Variants in XPR1 observed in about 807,000 individuals in gnomAD.
XPR1 encodes solute carrier family 53 member 1.
In XPR1, 28 loss-of-function variants were observed where a neutral mutation model predicts 87.5. The observed-to-expected ratio is 0.32, with a 90% CI of 0.24 to 0.44. The LOEUF (loss-of-function observed/expected upper bound fraction) is 0.44, where lower values mean the gene tolerates loss of function less well. Ranked by LOEUF, XPR1 falls within the 20% of genes least tolerant of loss-of-function variation. XPR1 has a pLI of 1.00. For missense variants in XPR1, 559 were observed against 862.3 expected (o/e 0.65, Z 4.41); for synonymous variants, 300 against 306.1 (o/e 0.98, Z 0.21).
chr1:180,839,104 G>A (rs1204988331), intron 11 of XPR1, among the ~76,000 whole-genome samples: 1 of 152,150 alleles, frequency 6.6e-6, no homozygotes, highest in Non-Finnish European at 1.5e-5. Context: ...TTTCGTTGTT[G>A]CAGTATCCCA....
intron 2 of XPR1, among the ~76,000 whole-genome samples, chr1:180,769,750 A>G (rs1376673346): frequency 1.3e-5 from 2 of 152,196 alleles, no homozygotes; most frequent in Admixed American, 6.5e-5. Flanking sequence ...GGGAGTGCAG[A>G]TATCTCTTCG....
chr1:180,863,335 G>A (rs1425197815), intron 11 of XPR1, among the ~76,000 whole-genome samples: 1 of 152,084 alleles, frequency 6.6e-6, no homozygotes, highest in East Asian at 1.9e-4. Flanking sequence ...TGTTAGTAGT[G>A]TTTCAGGAAT....
chr1:180,701,696 T>C (rs1189288535), intron 2 of XPR1, among the ~76,000 whole-genome samples: 1 of 138,406 alleles, frequency 7.2e-6, no homozygotes, highest in Non-Finnish European at 1.5e-5. Context: ...GTTGTGTCTC[T>C]GCCCGGCTTT....
chr1:180,786,100 A>G (rs1649129370), intron 2 of XPR1, among the ~76,000 whole-genome samples: 1 of 152,072 alleles, frequency 6.6e-6, no homozygotes, highest in Non-Finnish European at 1.5e-5. Context: ...CTCTAGAATC[A>G]ATACAACATC....
intron 2 of XPR1, among the ~76,000 whole-genome samples, chr1:180,740,872 T>C (rs972603447): frequency 1.3e-5 from 2 of 152,208 alleles, no homozygotes; most frequent in African/African-American, 2.4e-5. Flanking sequence ...GGCCCCTAGA[T>C]GACTGTCTCC....
At chr1:180,677,634 TCCAGC>T (rs1383691221) in intron 1 of XPR1, among the ~76,000 whole-genome samples, 2 of 152,346 alleles carry the variant, frequency 1.3e-5, no homozygotes, top group East Asian at 3.9e-4. Context: ...TCTTGCAGCC[TCCAGC>T]TGCATGACTT....
At chr1:180,679,453 A>G (rs181972407) in intron 1 of XPR1, among the ~76,000 whole-genome samples, 2 of 152,304 alleles carry the variant, frequency 1.3e-5, no homozygotes, top group Admixed American at 1.3e-4. Context: ...CAAAAAAATT[A>G]TCTAGCCCAA....
At chr1:180,720,936 A>C (rs1658161510) in intron 2 of XPR1, among the ~76,000 whole-genome samples, 1 of 152,164 alleles carries the variant, frequency 6.6e-6, no homozygotes, top group South Asian at 2.1e-4. Context: ...GTTAAATGTC[A>C]TTCAAATTTA....
intron 11 of XPR1, among the ~76,000 whole-genome samples, chr1:180,847,373 T>G (rs1290088957): frequency 6.6e-6 from 1 of 152,210 alleles, no homozygotes; most frequent in Non-Finnish European, 1.5e-5. Flanking sequence ...TCAACCCTTC[T>G]TCCAGTAAGA....
chr1:180,666,797 T>G (rs1411430095), intron 1 of XPR1, among the ~76,000 whole-genome samples: 2 of 152,198 alleles, frequency 1.3e-5, no homozygotes, highest in African/African-American at 4.8e-5. Flanking sequence ...TACTTTCCAG[T>G]TTGGATGTCT....
intron 11 of XPR1, among the ~76,000 whole-genome samples, chr1:180,863,385 A>T (rs1362950218): frequency 6.6e-6 from 1 of 152,144 alleles, no homozygotes; most frequent in African/African-American, 2.4e-5. Context: ...CTGATGGCAA[A>T]AGTTAAAATT....
chr1:180,674,916 C>T (rs1656315379), intron 1 of XPR1, among the ~76,000 whole-genome samples: 1 of 152,148 alleles, frequency 6.6e-6, no homozygotes, highest in African/African-American at 2.4e-5. Context: ...TTTGAGATTT[C>T]ATTTCAGCAA....
Position 180,632,153 on chromosome 1 carries a change from G to C in XPR1, c.-49G>C. On this transcript the variant is annotated 5_prime_UTR_variant, in exon 1 of 15. Transcript: ENST00000367590. ...AGGAGTCGGAGTCGCTGTTGCCGCC[G>C]CCGCCTGTAGCTGCTGGACCCGAGT... 1 of 1,575,712 alleles carries C rather than the reference G, an allele frequency of 6.3e-7. No homozygotes were observed. The highest frequency in any genetic ancestry group is 8.6e-7 in the Non-Finnish European group (1 of 1,161,172).
At chr1:180,790,579 G>C (rs754631952) in intron 3 of XPR1, among the ~76,000 whole-genome samples, 3 of 152,058 alleles carry the variant, frequency 2.0e-5, no homozygotes, top group East Asian at 3.9e-4. Flanking sequence ...TCACTCTGTC[G>C]CCCAGGCTGG....
chr1:180,833,452 A>C (rs1651149835), intron 9 of XPR1, among the ~76,000 whole-genome samples: 2 of 152,138 alleles, frequency 1.3e-5, no homozygotes, highest in Non-Finnish European at 2.9e-5. Context: ...GCAAAGACAC[A>C]CATAGGCTCA....
intron 11 of XPR1, among the ~76,000 whole-genome samples, chr1:180,847,423 A>G (rs1160566431): frequency 4.8e-4 from 73 of 152,318 alleles, no homozygotes; most frequent in Non-Finnish European, 5.9e-5. Flanking sequence ...ACGTTTTCAC[A>G]TTGAGAACTA....
chr1:180,713,869 G>A (rs1413679231), intron 2 of XPR1, among the ~76,000 whole-genome samples: 2 of 151,988 alleles, frequency 1.3e-5, no homozygotes, highest in Non-Finnish European at 2.9e-5. Flanking sequence ...TCAGGGTAAT[G>A]TTTACCTCAT....
At position 180,880,300 on chromosome 1, in the gene XPR1, A is replaced by T. The variant is rs757681706; in HGVS notation, c.2030+3A>T. 1.2e-6 allele frequency: 2 copies of T among 1,614,130 alleles called. No individual in the cohort carries two copies. Among genetic ancestry groups the T allele is most frequent in the Non-Finnish European group, 1.7e-6 (2 of 1,180,002 alleles). ...CGCCGGCCTCGCCTCGCTTCTCAGTATGTATGGCTTCTACTTCTGTGAGGC... is the reference window on the plus strand; with the variant it reads ...CGCCGGCCTCGCCTCGCTTCTCAGTTTGTATGGCTTCTACTTCTGTGAGGC... On this transcript the variant is annotated splice_donor_region_variant and intron_variant, in intron 14 of 14. Coordinates refer to ENST00000367590, the MANE Select transcript of XPR1 (RefSeq NM_004736.4).
intron 2 of XPR1, among the ~76,000 whole-genome samples, chr1:180,690,997 C>A (rs1183427346): frequency 1.3e-5 from 2 of 151,598 alleles, no homozygotes; most frequent in East Asian, 3.9e-4. Flanking sequence ...GGTTAGATGG[C>A]CAAACATATT....
Sources: gnomAD v4.1 joint callset for allele counts (sites outside exome capture counted in the v4.1 genomes callset) on GRCh38, gnomAD v4.1.1 for gene constraint, MANE v1.5 for transcripts, NCBI Gene and HGNC (gene_info 2026-07-23, HGNC 2026-07-21) for gene names.